Variants in TMEM39A observed in about 807,000 individuals in gnomAD.
TMEM39A encodes the protein transmembrane protein 39A, also known as suppressor of SQST-1 aggregates in rpl-43 mutants.
In TMEM39A, 19 loss-of-function variants were observed where a neutral mutation model predicts 51.9. The ratio of observed to expected loss-of-function variants is 0.37; its 90% CI spans 0.26 to 0.54. The LOEUF is 0.54. TMEM39A is among the 20% of genes least tolerant of loss of function. TMEM39A has a pLI of 0.88. For missense variants in TMEM39A, 433 were observed against 590.5 expected (o/e 0.73, Z 2.76); for synonymous variants, 197 against 220.2 (o/e 0.89, Z 0.93).
At chr3:119,445,969 A>C (rs927335364) in intron 5 of TMEM39A, among the ~76,000 whole-genome samples, 1 of 152,220 alleles carries the variant, frequency 6.6e-6, no homozygotes, top group African/African-American at 2.4e-5. Flanking sequence ...CCAACACCCC[A>C]GTGGATGCCT....
At chr3:119,434,656 TA>T in intron 8 of TMEM39A, 105 bp downstream of exon 8, 2 of 1,463,896 alleles carry the variant, frequency 1.4e-6, no homozygotes, top group Non-Finnish European at 1.8e-6. Flanking sequence ...TACCATGTAA[TA>T]ATTTCCTAGT....
At position 119,438,025 on chromosome 3, in the gene TMEM39A, C is replaced by G. The variant is rs758241595; in HGVS notation, c.654G>C (p.Val218=). 6.2e-7 allele frequency: 1 copy of G among 1,613,848 alleles called. No homozygotes were observed. The highest frequency in any genetic ancestry group is 1.1e-5 in the South Asian group (1 of 91,070). Residue 218 remains valine (V), a synonymous_variant, in exon 6 of 9, where the codon GTG becomes GTC. Coordinates refer to ENST00000319172, the MANE Select transcript of TMEM39A (RefSeq NM_018266.3). ...AHLLLTDYNY[V]VQHEAVEESA... is the part of the protein sequence containing the mutation. ...TTTCCTCTACTGCCTCGTGCTGAAC[C>G]ACATAGTTGTAGTCTGTGAGAAGAA... is the stretch of plus-strand genomic sequence containing the variant.
chr3:119,459,586 C>T (rs2081311813), intron 2 of TMEM39A, among the ~76,000 whole-genome samples: 1 of 152,126 alleles, frequency 6.6e-6, no homozygotes, highest in African/African-American at 2.4e-5. Context: ...ATATATCTTC[C>T]TTTTTTAAAA....
At chr3:119,445,848 G>A (rs1281773190) in intron 5 of TMEM39A, among the ~76,000 whole-genome samples, 5 of 152,156 alleles carry the variant, frequency 3.3e-5, no homozygotes. Context: ...CTTGTTGAAT[G>A]TTTAAAAGGT....
intron 3 of TMEM39A, among the ~76,000 whole-genome samples, chr3:119,454,519 C>T (rs113176859): frequency 6.6e-4 from 101 of 152,320 alleles, no homozygotes; most frequent in African/African-American, 2.1e-3. Flanking sequence ...TGGCCGGGTG[C>T]GGTGGCTCAC....
rs1366428595 is a variant in TMEM39A, at chr3:119,429,769, T to C, written c.*2212A>G. On this transcript the variant is annotated 3_prime_UTR_variant, in exon 9 of 9. Transcript: ENST00000319172. The stretch of plus-strand genomic sequence containing the variant: ...GGGTAGGAGGAACTTTGCAATTCCA[T>C]TAGCCAAAATTAATTTTTATTTATT... 6.6e-6 allele frequency: 1 copy of C among 152,118 alleles called. No homozygotes were observed. Among genetic ancestry groups the C allele is most frequent in the African/African-American group, 2.4e-5 (1 of 41,426 alleles). The allele number at this position is 152,118 out of a possible 1,614,324, so 9.4% of individuals were successfully genotyped here. A position where few individuals can be genotyped will look rare whatever the true frequency, so the allele number is the denominator to read the frequency against.
At chr3:119,435,190 G>A (rs1476713303) in intron 7 of TMEM39A, 4 of 985,422 alleles carry the variant, frequency 4.1e-6, no homozygotes, top group Non-Finnish European at 3.6e-6. Context: ...TGTAAGCAGG[G>A]TGACTGTCAT....
At chr3:119,433,546 C>T (rs560828197) in intron 8 of TMEM39A, among the ~76,000 whole-genome samples, 2 of 152,222 alleles carry the variant, frequency 1.3e-5, no homozygotes, top group East Asian at 1.9e-4. Flanking sequence ...TTTCAGCTGT[C>T]CAAAGCTAGC....
chr3:119,431,999 A>G lies in TMEM39A; in HGVS notation c.1449T>C (p.Tyr483=), dbSNP rs750239622. 11 of 1,606,158 alleles carry G rather than the reference A, an allele frequency of 6.8e-6. No homozygotes were observed. Among genetic ancestry groups the G allele is most frequent in the Admixed American group, 1.7e-5 (1 of 59,516 alleles). The change falls in exon 9 of 9, where the codon TAT becomes TAC. Residue 483 remains tyrosine, a synonymous_variant. Transcript: ENST00000319172. ...GRAYSYPLNS[Y]ELKAN is the part of the protein sequence containing the mutation. Reference sequence around the variant, plus strand: ...AGGCAGCTTAGTTTGCCTTGAGTTCATAACTGTTGAGTGGGTAGGAGTATG... The same window carrying G: ...AGGCAGCTTAGTTTGCCTTGAGTTCGTAACTGTTGAGTGGGTAGGAGTATG...
At chr3:119,434,584 A>G (rs1291931055) in intron 8 of TMEM39A, among the ~76,000 whole-genome samples, 178 bp downstream of exon 8, 2 of 152,206 alleles carry the variant, frequency 1.3e-5, no homozygotes, top group African/African-American at 2.4e-5. Flanking sequence ...TATGATCTTC[A>G]AACTGCCCTT....
intron 6 of TMEM39A, among the ~76,000 whole-genome samples, chr3:119,437,305 A>G (rs1035442837): frequency 2.6e-5 from 4 of 152,168 alleles, no homozygotes; most frequent in African/African-American, 9.7e-5. Flanking sequence ...ATGTACCAAA[A>G]GATTTTGGGC....
At chr3:119,452,264 T>C (rs2081211052) in intron 4 of TMEM39A, among the ~76,000 whole-genome samples, 183 bp downstream of exon 4, 1 of 152,226 alleles carries the variant, frequency 6.6e-6, no homozygotes, top group Admixed American at 6.5e-5. Context: ...TAACAGTTTT[T>C]GACACTTGAA....
chr3:119,463,221 C>G (rs1019449575), intron 1 of TMEM39A, 115 bp downstream of exon 1: 2 of 191,278 alleles, frequency 1.0e-5, no homozygotes, highest in Non-Finnish European at 2.1e-5. Context: ...CTTCAACAGA[C>G]TGGTCCCTAA....
At position 119,438,140 on chromosome 3, in the gene TMEM39A, C is replaced by T. The variant is rs1288386868; in HGVS notation, c.576-37G>A. On this transcript the variant is annotated intron_variant, in intron 5 of 8. Coordinates refer to ENST00000319172, the MANE Select transcript of TMEM39A (RefSeq NM_018266.3). ...AGTGTGAAAATGAGACCACAGATAC[C>T]ACCTAAAATCACACCTTATAACTTA... The T allele has an allele frequency of 5.4e-6, 8 of 1,473,878 alleles. No individual in the cohort carries two copies. In the Admixed American group the frequency reaches 5.7e-5, roughly 10 times the overall value. 91.3% of individuals were successfully genotyped at this position (1,473,878 alleles called of 1,614,324 possible). A position where few individuals can be genotyped will look rare whatever the true frequency, so the allele number is the denominator to read the frequency against.
intron 4 of TMEM39A, chr3:119,451,122 T>C: frequency 1.9e-6 from 1 of 536,606 alleles, no homozygotes. Context: ...AAAAAGTGAG[T>C]TTCTATTTCC....
chr3:119,438,364 C>G (rs944626309), intron 5 of TMEM39A, among the ~76,000 whole-genome samples: 24 of 152,150 alleles, frequency 1.6e-4, no homozygotes, highest in Non-Finnish European at 3.5e-4. Context: ...CATCACTTAG[C>G]AATAATCATT....
At chr3:119,458,270 T>C (rs745613277) in intron 2 of TMEM39A, 30 bp from the exon 3 acceptor site, 1 of 1,596,664 alleles carries the variant, frequency 6.3e-7, no homozygotes, top group East Asian at 2.2e-5. Context: ...TTAACTCAAA[T>C]GGTGATAACC....
chr3:119,435,288 G>A, intron 7 of TMEM39A: 4 of 985,380 alleles, frequency 4.1e-6, no homozygotes, highest in Non-Finnish European at 4.8e-6. Flanking sequence ...GAATAGTGGA[G>A]AAATTAGCAC....
At chr3:119,454,292 T>C (rs1009279029) in intron 3 of TMEM39A, among the ~76,000 whole-genome samples, 1 of 152,200 alleles carries the variant, frequency 6.6e-6, no homozygotes, top group Non-Finnish European at 1.5e-5. Context: ...AGCCAGAATG[T>C]CAAGAGTGGC....
Sources: allele counts gnomAD v4.1 joint callset (sites outside exome capture counted in the v4.1 genomes callset), GRCh38; gene constraint gnomAD v4.1.1; transcripts MANE v1.5; gene names NCBI Gene and HGNC (gene_info 2026-07-23, HGNC 2026-07-21).